XPO7: variants seen among roughly 807,000 people sequenced by gnomAD.
XPO7 encodes the protein exportin 7.
Under a neutral mutation model 144.3 loss-of-function variants are expected in XPO7, and 21 were observed. The ratio of observed to expected loss-of-function variants is 0.15; its 90% CI spans 0.10 to 0.21. The LOEUF is 0.21. Ranked by LOEUF, XPO7 falls within the 10% of genes least tolerant of loss-of-function variation. The probability of loss-of-function intolerance (pLI) is 1.00; values close to 1 mark genes in which losing one functional copy is unlikely to be tolerated. For missense variants in XPO7, 808 were observed against 1,325.8 expected (o/e 0.61, Z 6.06); for synonymous variants, 580 against 499.6 (o/e 1.16, Z -2.15).
intron 1 of XPO7, among the ~76,000 whole-genome samples, chr8:21,933,433 G>T (rs1402539368): frequency 6.6e-6 from 1 of 152,022 alleles, no homozygotes; most frequent in Non-Finnish European, 1.5e-5. Context: ...TGTTATTGTT[G>T]TTACTGTTAT....
intron 1 of XPO7, among the ~76,000 whole-genome samples, chr8:21,927,258 C>A (rs1031005102): frequency 6.6e-5 from 10 of 151,870 alleles, no homozygotes; most frequent in Non-Finnish European, 8.8e-5. Context: ...AAATTAAATT[C>A]AAATAAAATA....
At chr8:21,969,779 C>T in intron 3 of XPO7, 1 of 579,482 alleles carries the variant, frequency 1.7e-6, no homozygotes, top group Non-Finnish European at 3.0e-6. Flanking sequence ...AGCCTAAGTC[C>T]TCCCTTTTGT....
intron 25 of XPO7, 143 bp from the exon 26 acceptor site, chr8:22,003,076 T>C (rs995521606): frequency 6.0e-6 from 3 of 499,306 alleles, no homozygotes; most frequent in Non-Finnish European, 1.0e-5. Context: ...AAGACTCAGA[T>C]GAAGCTTCAC....
At chr8:21,931,732 A>G (rs1371719505) in intron 1 of XPO7, among the ~76,000 whole-genome samples, 2 of 151,438 alleles carry the variant, frequency 1.3e-5, no homozygotes, top group East Asian at 3.9e-4. Context: ...TACCTTAACT[A>G]CTCTTGGTCT....
intron 1 of XPO7, among the ~76,000 whole-genome samples, chr8:21,961,430 G>T (rs987335278): frequency 1.3e-5 from 2 of 151,946 alleles, no homozygotes; most frequent in African/African-American, 4.8e-5. Context: ...TGCTCAGGCT[G>T]GTTCTGAACT....
intron 1 of XPO7, among the ~76,000 whole-genome samples, chr8:21,963,839 C>A (rs1811804131): frequency 6.6e-6 from 1 of 152,136 alleles, no homozygotes; most frequent in African/African-American, 2.4e-5. Flanking sequence ...CTAGAGGCAC[C>A]TTGTCAGACA....
intron 1 of XPO7, chr8:21,921,345 A>C (rs147534257): frequency 1.3e-5 from 2 of 152,180 alleles, no homozygotes; most frequent in Non-Finnish European, 2.9e-5. Flanking sequence ...AAGTGTCCCA[A>C]AGTCTTTGGA....
intron 1 of XPO7, among the ~76,000 whole-genome samples, chr8:21,922,635 T>G (rs900710280): frequency 6.6e-6 from 1 of 152,130 alleles, no homozygotes; most frequent in Non-Finnish European, 1.5e-5. Flanking sequence ...TGAAGAAGAT[T>G]AAGAAGGATC....
intron 12 of XPO7, 125 bp downstream of exon 12, chr8:21,984,964 A>G (rs752115183): frequency 1.7e-5 from 17 of 988,620 alleles, no homozygotes; most frequent in Non-Finnish European, 2.3e-5. Flanking sequence ...TTGTCTCCAT[A>G]TGCACAAGAA....
chr8:21,938,793 A>G (rs988829034), intron 1 of XPO7, among the ~76,000 whole-genome samples: 1 of 152,158 alleles, frequency 6.6e-6, no homozygotes, highest in African/African-American at 2.4e-5. Flanking sequence ...AAAAAATGTC[A>G]TAGAGAACTC....
chr8:21,982,563 A>T, intron 10 of XPO7, 77 bp from the exon 11 acceptor site: 1 of 1,465,956 alleles, frequency 6.8e-7, no homozygotes, highest in Non-Finnish European at 9.1e-7. Context: ...AAAAGTCTTT[A>T]TCTTCTGTGT....
chr8:22,005,019 C>T lies in XPO7; in HGVS notation c.3195C>T (p.Phe1065=). The part of the protein sequence containing the change: ...RDRFTQNLSA[F]RREVNDSMKN... The stretch of plus-strand genomic sequence containing the variant: ...GGTTCACCCAGAACCTGTCAGCATT[C>T]CGTCGAGAAGTCAACGACTCAATGA... The change falls in exon 28 of 28, where the codon TTC becomes TTT. Residue 1065 remains phenylalanine, a synonymous_variant. Coordinates refer to ENST00000252512, the MANE Select transcript of XPO7 (RefSeq NM_015024.5). 1 of 1,612,230 alleles carries T rather than the reference C, an allele frequency of 6.2e-7. No homozygotes were observed. The highest frequency in any genetic ancestry group is 8.5e-7 in the Non-Finnish European group (1 of 1,179,078).
At chr8:21,951,374 GT>G (rs889045833) in intron 1 of XPO7, among the ~76,000 whole-genome samples, 20 of 150,566 alleles carry the variant, frequency 1.3e-4, no homozygotes, top group African/African-American at 3.4e-4. Context: ...ACTCTTCTCT[GT>G]TTTTTTTATA....
chr8:21,935,430 A>G (rs1466803042), intron 1 of XPO7, among the ~76,000 whole-genome samples: 3 of 152,248 alleles, frequency 2.0e-5, no homozygotes, highest in Admixed American at 6.5e-5. Context: ...CTAAAGTCCT[A>G]CAAATAGTGA....
intron 1 of XPO7, among the ~76,000 whole-genome samples, chr8:21,960,496 G>T (rs1257070156): frequency 6.6e-6 from 1 of 152,162 alleles, no homozygotes; most frequent in African/African-American, 2.4e-5. Context: ...TAATTTGTTT[G>T]CATGTGTTTT....
chr8:21,953,277 T>TC (rs919230205), intron 1 of XPO7, among the ~76,000 whole-genome samples: 15 of 152,074 alleles, frequency 9.9e-5, no homozygotes, highest in East Asian at 3.9e-4. Flanking sequence ...CCATCATTTC[T>TC]CCCCCCCTGC....
chr8:21,957,612 G>A (rs536509250), intron 1 of XPO7, among the ~76,000 whole-genome samples: 2 of 152,236 alleles, frequency 1.3e-5, no homozygotes, highest in South Asian at 2.1e-4. Flanking sequence ...TGTTAGTTGG[G>A]TTTGGGGAGG....
At chr8:21,937,847 A>G (rs1230067527) in intron 1 of XPO7, among the ~76,000 whole-genome samples, 2 of 152,212 alleles carry the variant, frequency 1.3e-5, no homozygotes, top group Non-Finnish European at 2.9e-5. Context: ...TGTTACGTAA[A>G]TGAGAATCTT....
intron 1 of XPO7, among the ~76,000 whole-genome samples, chr8:21,945,808 T>C (rs1028664652): frequency 6.6e-6 from 1 of 152,212 alleles, no homozygotes; most frequent in Non-Finnish European, 1.5e-5. Context: ...TTTTAATGCA[T>C]TGACAAGCTT....
Sources: allele counts gnomAD v4.1 joint callset (sites outside exome capture counted in the v4.1 genomes callset), GRCh38; gene constraint gnomAD v4.1.1; transcripts MANE v1.5; gene names NCBI Gene and HGNC (gene_info 2026-07-23, HGNC 2026-07-21).